The following SDE2 variants were observed in gnomAD, a reference collection of about 807,000 sequenced individuals.
SDE2 encodes the protein splicing regulator SDE2.
A neutral mutation model predicts 46.9 loss-of-function variants in SDE2; 31 were observed. The observed-to-expected ratio is 0.66, with a 90% CI of 0.50 to 0.89. SDE2 has a LOEUF of 0.89. Among genes scored for constraint, SDE2 ranks in the 40% least tolerant of loss-of-function variants. The pLI is 0.00. For missense variants in SDE2, 542 were observed against 564.4 expected, an observed-to-expected ratio of 0.96 and a Z score of 0.40; for synonymous variants, 205 against 204.3, an observed-to-expected ratio of 1.00 and a Z score of -0.03.
chr1:225,988,467 AGGCCT>A, intron 5 of SDE2, 79 bp from the exon 6 acceptor site: 1 of 1,472,752 alleles, frequency 6.8e-7, no homozygotes, highest in East Asian at 2.3e-5. Context: ...GCAGTGGCTC[AGGCCT>A]GTAATCCCAG....
In SDE2 at chr1:225,983,741, C is replaced by T. The variant is rs1656209405; in HGVS notation, c.*1561G>A. On this transcript the variant is annotated 3_prime_UTR_variant, in exon 7 of 7. Coordinates refer to ENST00000272091, the MANE Select transcript of SDE2 (RefSeq NM_152608.4). ...TCTTTTAAACTGTGTATGGTACACT[C>T]ACCATGACAGACAACATATTGGGTC... The T allele has an allele frequency of 6.6e-6, 1 of 152,054 alleles. No homozygotes were observed. Among genetic ancestry groups the T allele is most frequent in the Non-Finnish European group, 1.5e-5 (1 of 68,030 alleles). The allele number at this position is 152,054 out of a possible 1,614,324, so 9.4% of individuals were successfully genotyped here.
chr1:225,986,714 G>C (rs1375809731), intron 6 of SDE2, among the ~76,000 whole-genome samples: 1 of 152,166 alleles, frequency 6.6e-6, no homozygotes, highest in Non-Finnish European at 1.5e-5. Context: ...TAAGACTTCA[G>C]TCAGGATAAA....
intron 5 of SDE2, among the ~76,000 whole-genome samples, chr1:225,990,589 C>T (rs370988739): frequency 6.6e-6 from 1 of 152,126 alleles, no homozygotes; most frequent in African/African-American, 2.4e-5. Flanking sequence ...ATACAAACCA[C>T]AGGTAGTGTC....
In SDE2 at chr1:225,992,975, C is replaced by A; in HGVS notation, c.266G>T (p.Gly89Val). 6.2e-7 allele frequency: 1 copy of A among 1,612,062 alleles called. No individual in the cohort carries two copies. The highest frequency in any genetic ancestry group is 8.5e-7 in the Non-Finnish European group (1 of 1,178,202). The change falls in exon 3 of 7, where the codon GGT becomes GTT. Residue 89 changes from glycine to valine, a missense_variant. By Grantham distance (109) the Gly-to-Val change is moderately radical. Transcript: ENST00000272091. ...GGFGSMLRAL[G>V]AQIEKTTNRE... ...ATTGGTTGTCTTCTCAATCTGAGCA[C>A]CAAGTGCTCGGAGCATAGATCCAAA...
At chr1:225,994,537 CTT>C (rs758516695) in intron 2 of SDE2, among the ~76,000 whole-genome samples, 5 of 152,324 alleles carry the variant, frequency 3.3e-5, no homozygotes, top group East Asian at 1.9e-4. Flanking sequence ...TGTTTTCGCT[CTT>C]TGTTATCTTT....
intron 3 of SDE2, 88 bp from the exon 4 acceptor site, chr1:225,992,655 C>T (rs1656429083): frequency 3.5e-6 from 3 of 860,542 alleles, no homozygotes. Context: ...AATTAATGCA[C>T]TTGTTCATAC....
At chr1:225,985,737 AG>A (rs1176070534) in intron 6 of SDE2, among the ~76,000 whole-genome samples, 1 of 152,226 alleles carries the variant, frequency 6.6e-6, no homozygotes, top group African/African-American at 2.4e-5. Context: ...ACAAGCATTC[AG>A]AACAGTAACA....
chr1:225,988,197 G>A lies in SDE2; in HGVS notation c.833C>T (p.Ser278Leu), dbSNP rs1656312675. The change falls in exon 6 of 7, where the codon TCA becomes TTA. Residue 278 changes from serine to leucine, a missense_variant. Transcript: ENST00000272091. ...RARVVNTDHG[S>L]PEQLQIPVTD... ...CACCGGGATCTGCAGTTGTTCTGGT[G>A]ATCCATGGTCTGTATTCACTACTCT... 1 of 1,614,102 alleles carries A rather than the reference G, an allele frequency of 6.2e-7. No homozygotes were observed. The highest frequency in any genetic ancestry group is 8.5e-7 in the Non-Finnish European group (1 of 1,180,008).
intron 3 of SDE2, 48 bp downstream of exon 3, chr1:225,992,843 A>G: frequency 9.5e-7 from 1 of 1,055,114 alleles, no homozygotes; most frequent in Non-Finnish European, 1.5e-6. Context: ...TACTAATAGG[A>G]AAGTATATGT....
At position 225,995,336 on chromosome 1, in the gene SDE2, A is replaced by G; in HGVS notation, c.168T>C (p.Ile56=). The stretch of plus-strand genomic sequence containing the variant: ...CATGCTGCACTGTGTCACTGGTGTT[A>G]ATGAGTGCTCCATTGCATTTCACAA... ...NFFVKCNGAL[I]NTSDTVQHGA... The change falls in exon 2 of 7, where the codon ATT becomes ATC. Residue 56 remains isoleucine (I), a synonymous_variant. Transcript: ENST00000272091. The G allele has an allele frequency of 6.2e-7, 1 of 1,613,124 alleles. No individual in the cohort carries two copies. The highest frequency in any genetic ancestry group is 8.5e-7 in the Non-Finnish European group (1 of 1,179,182).
intron 2 of SDE2, 49 bp from the exon 3 acceptor site, chr1:225,993,051 G>T: frequency 2.3e-6 from 2 of 870,418 alleles, no homozygotes; most frequent in Non-Finnish European, 3.8e-6. Flanking sequence ...TTCAAGGATG[G>T]ATAAAAGCAG....
chr1:225,991,260 T>C lies in SDE2; in HGVS notation c.624A>G (p.Gly208=), dbSNP rs1348261177. 6.2e-7 allele frequency: 1 copy of C among 1,613,836 alleles called. No homozygotes were observed. Among genetic ancestry groups the C allele is most frequent in the Non-Finnish European group, 8.5e-7 (1 of 1,179,856 alleles). Residue 208 remains glycine, a synonymous_variant, in exon 5 of 7, where the codon GGA becomes GGG. Transcript: ENST00000272091. ...ACACTTACCAGAAGCATCTCCTCTT[T>C]CCCGCACTGGCTCCTCTGTCTGTTT... is the stretch of plus-strand genomic sequence containing the variant. ...KSQTDRGASA[G]KRRCFWLGME... is the part of the protein sequence containing the mutation.
chr1:225,989,293 C>CAA (rs58512006), intron 5 of SDE2, among the ~76,000 whole-genome samples: 50 of 130,322 alleles, frequency 3.8e-4, no homozygotes, highest in African/African-American at 1.1e-3. Context: ...AAGACTGTCT[C>CAA]AAAAAAAAAA....
intron 6 of SDE2, among the ~76,000 whole-genome samples, chr1:225,985,846 A>T (rs1465653628): frequency 1.3e-5 from 2 of 152,192 alleles, no homozygotes; most frequent in East Asian, 3.8e-4. Context: ...CTATCCCCAC[A>T]CTATTCCCAC....
chr1:225,988,044 G>A lies in SDE2; in HGVS notation c.986C>T (p.Pro329Leu). 2 of 1,614,016 alleles carry A rather than the reference G, an allele frequency of 1.2e-6. No individual in the cohort carries two copies. The change falls in exon 6 of 7, where the codon CCC becomes CTC. Residue 329 changes from proline to leucine, a missense_variant. Physicochemically the swap from Pro to Leu is moderately conservative, Grantham distance 98. Around this residue, in one of 3 missense-constraint regions of SDE2, gnomAD observed 401 missense variants for 437.8 expected, o/e 0.92. Transcript: ENST00000272091. The stretch of plus-strand genomic sequence containing the variant: ...AGCCCCAGTGGGCTCCTCTTCTATG[G>A]GTTCTTTACTCTCTGCCTTCTTCTC... ...TQEKKAESKE[P>L]IEEEPTGAGL...
chr1:225,991,164 G>T, intron 5 of SDE2, 79 bp downstream of exon 5: 1 of 1,458,676 alleles, frequency 6.9e-7, no homozygotes, highest in South Asian at 1.2e-5. Flanking sequence ...ACAAAAATGT[G>T]TTTATGCCAG....
Position 225,983,762 on chromosome 1 carries a change from G to A in SDE2, c.*1540C>T, listed in dbSNP as rs1315524755. Reference sequence around the variant, plus strand: ...CACTCACCATGACAGACAACATATTGGGTCATAAAACGAGTCTCAATAAAA... The same window carrying A: ...CACTCACCATGACAGACAACATATTAGGTCATAAAACGAGTCTCAATAAAA... On this transcript the variant is annotated 3_prime_UTR_variant, in exon 7 of 7. Transcript: ENST00000272091. The A allele has an allele frequency of 6.6e-6, 1 of 151,820 alleles. No individual in the cohort carries two copies. Among genetic ancestry groups the A allele is most frequent in the East Asian group, 1.9e-4 (1 of 5,184 alleles). 9.4% of individuals were successfully genotyped at this position (151,820 alleles called of 1,614,324 possible). A position where few individuals can be genotyped will look rare whatever the true frequency, so the allele number is the denominator to read the frequency against.
At chr1:225,990,943 C>T (rs1457109431) in intron 5 of SDE2, among the ~76,000 whole-genome samples, 1 of 152,176 alleles carries the variant, frequency 6.6e-6, no homozygotes, top group East Asian at 1.9e-4. Flanking sequence ...TTGATTTCCA[C>T]CTAGAATTTC....
In SDE2 at chr1:225,995,217, T is replaced by A. The variant is rs750903304; in HGVS notation, c.238+49A>T. 8.7e-6 allele frequency: 8 copies of A among 922,704 alleles called. No individual in the cohort carries two copies. In the South Asian group the frequency reaches 9.7e-5, roughly 11 times the overall value. The allele number at this position is 922,704 out of a possible 1,614,324, so 57.2% of individuals were successfully genotyped here. ...GCAGCAGAATATGAAAATAAATGAATAAAGACTGCAAATGTGTTACAACTA... is the reference window on the plus strand; with the variant it reads ...GCAGCAGAATATGAAAATAAATGAAAAAAGACTGCAAATGTGTTACAACTA... On this transcript the variant is annotated intron_variant, in intron 2 of 6. Coordinates refer to ENST00000272091, the MANE Select transcript of SDE2 (RefSeq NM_152608.4).
Sources: allele counts gnomAD v4.1 joint callset (sites outside exome capture counted in the v4.1 genomes callset), GRCh38; gene constraint gnomAD v4.1.1; regional missense constraint gnomAD v4.1.1; transcripts MANE v1.5; gene names NCBI Gene and HGNC (gene_info 2026-07-23, HGNC 2026-07-21).